PALS1: variants seen among roughly 807,000 people sequenced by gnomAD.
PALS1 encodes the protein protein associated with LIN7 1, MAGUK p55 family member, also known as protein PALS1.
Under a neutral mutation model 78.9 loss-of-function variants are expected in PALS1, and 31 were observed. The ratio of observed to expected loss-of-function variants is 0.39; its 90% CI spans 0.30 to 0.53. PALS1 has a LOEUF of 0.53. Among genes scored for constraint, PALS1 ranks in the 20% least tolerant of loss-of-function variants. The pLI, the probability that PALS1 is intolerant of heterozygous loss-of-function variation, is 0.67. For synonymous variants in PALS1, 276 were observed against 270.9 expected (o/e 1.02, Z -0.18); for missense variants, 704 against 826.5 (o/e 0.85, Z 1.82).
At chr14:67,242,341 A>T (rs181290630) in intron 1 of PALS1, among the ~76,000 whole-genome samples, 132 of 152,344 alleles carry the variant, frequency 8.7e-4, no homozygotes, top group African/African-American at 3.0e-3. Context: ...TTTTGTCTCC[A>T]TACTCGTTTA....
chr14:67,263,756 A>G (rs1016539251), intron 1 of PALS1, among the ~76,000 whole-genome samples: 2 of 152,218 alleles, frequency 1.3e-5, no homozygotes, highest in Admixed American at 6.5e-5. Context: ...GAGAAGATAT[A>G]TAGGAAACTG....
intron 3 of PALS1, among the ~76,000 whole-genome samples, chr14:67,283,468 C>T (rs1182260640): frequency 6.6e-6 from 1 of 152,134 alleles, no homozygotes; most frequent in Non-Finnish European, 1.5e-5. Context: ...CAGACAAAAT[C>T]CCAATGCCAG....
At chr14:67,315,786 A>G (rs566483153) in intron 9 of PALS1, among the ~76,000 whole-genome samples, 1 of 152,184 alleles carries the variant, frequency 6.6e-6, no homozygotes, top group African/African-American at 2.4e-5. Flanking sequence ...TTAGCTGGGC[A>G]TGGTGGCGGG....
chr14:67,268,570 T>C (rs1274934874), intron 1 of PALS1, among the ~76,000 whole-genome samples: 5 of 152,158 alleles, frequency 3.3e-5, no homozygotes, highest in Non-Finnish European at 7.3e-5. Flanking sequence ...GAACTGAGGG[T>C]TCCTCCCCTT....
intron 2 of PALS1, among the ~76,000 whole-genome samples, chr14:67,273,922 T>G (rs1188070732): frequency 1.3e-5 from 2 of 152,250 alleles, no homozygotes; most frequent in Non-Finnish European, 2.9e-5. Flanking sequence ...AATGTCTTCT[T>G]TTGAGAAGTG....
intron 1 of PALS1, among the ~76,000 whole-genome samples, chr14:67,256,501 A>G (rs1269188039): frequency 6.6e-6 from 1 of 152,222 alleles, no homozygotes; most frequent in East Asian, 1.9e-4. Context: ...TACCATTTCA[A>G]CTTGTAGTAA....
At chr14:67,257,556 C>T (rs2084163906) in intron 1 of PALS1, among the ~76,000 whole-genome samples, 1 of 151,468 alleles carries the variant, frequency 6.6e-6, no homozygotes, top group Non-Finnish European at 1.5e-5. Context: ...CTATGAGAGA[C>T]AGCTAAATAT....
intron 8 of PALS1, among the ~76,000 whole-genome samples, chr14:67,305,679 T>C (rs766707528): frequency 6.6e-5 from 10 of 152,242 alleles, no homozygotes; most frequent in Non-Finnish European, 1.2e-4. Context: ...TTAATCGAAG[T>C]GTTACATTGA....
chr14:67,312,801 T>C, intron 9 of PALS1, 91 bp downstream of exon 9: 1 of 1,013,018 alleles, frequency 9.9e-7, no homozygotes, highest in Non-Finnish European at 1.3e-6. Context: ...TTCATGCCTC[T>C]ATTTAATAAA....
At chr14:67,316,767 TAA>T in intron 9 of PALS1, 63 bp from the exon 10 acceptor site, 3 of 1,282,318 alleles carry the variant, frequency 2.3e-6, no homozygotes, top group Non-Finnish European at 2.1e-6. Flanking sequence ...CCTTCTTGAT[TAA>T]AAAAAAAATT....
chr14:67,322,689 C>A (rs897736311), intron 13 of PALS1, among the ~76,000 whole-genome samples: 7 of 152,010 alleles, frequency 4.6e-5, no homozygotes. Context: ...CTTTAGAGTT[C>A]TTTATATTAT....
At chr14:67,280,400 GAA>G (rs1006200486) in intron 3 of PALS1, among the ~76,000 whole-genome samples, 5 of 152,146 alleles carry the variant, frequency 3.3e-5, no homozygotes, top group African/African-American at 1.2e-4. Flanking sequence ...TGTAGAAGGA[GAA>G]AGTTTTTATT....
intron 13 of PALS1, among the ~76,000 whole-genome samples, chr14:67,323,232 C>CGTGCGTGTGTGT (rs1555340556): frequency 7.0e-6 from 1 of 143,592 alleles, no homozygotes; most frequent in African/African-American, 2.6e-5. Flanking sequence ...CATATATACA[C>CGTGCGTGTGTGT]GTGTGTGTGT....
chr14:67,311,617 G>A (rs1343314986), intron 8 of PALS1, among the ~76,000 whole-genome samples: 1 of 152,150 alleles, frequency 6.6e-6, no homozygotes, highest in Non-Finnish European at 1.5e-5. Flanking sequence ...CTTCTTAGAA[G>A]TAAGAATAGT....
At position 67,292,501 on chromosome 14, in the gene PALS1, C is replaced by G. The variant is rs1194075210; in HGVS notation, c.368-10C>G. On this transcript the variant is annotated splice_polypyrimidine_tract_variant and intron_variant, in intron 3 of 14. Coordinates refer to ENST00000261681, the MANE Select transcript of PALS1 (RefSeq NM_022474.4). ...AGTTAATTTTTGGATACCTTTTCTT[C>G]TTCTACTAGAAATAGAAGACTTGTT... 4.4e-6 allele frequency: 7 copies of G among 1,573,218 alleles called. No individual in the cohort carries two copies. The African/African-American group carries it at 8.1e-5, about 18-fold the overall frequency.
At chr14:67,327,000 C>T (rs918213169) in intron 14 of PALS1, among the ~76,000 whole-genome samples, 1 of 151,948 alleles carries the variant, frequency 6.6e-6, no homozygotes, top group African/African-American at 2.4e-5. Context: ...CATAGTGAAA[C>T]CCCGTCTCTA....
chr14:67,301,931 T>G, intron 5 of PALS1, 41 bp from the exon 6 acceptor site: 1 of 1,567,146 alleles, frequency 6.4e-7, no homozygotes, highest in Non-Finnish European at 8.6e-7. Context: ...CAGAAATAAA[T>G]CATGCTGTTA....
intron 8 of PALS1, among the ~76,000 whole-genome samples, chr14:67,307,522 A>C (rs1395540073): frequency 1.3e-5 from 2 of 152,246 alleles, no homozygotes; most frequent in East Asian, 3.8e-4. Flanking sequence ...GGCACTACAG[A>C]GATAACTGTG....
chr14:67,278,255 C>T (rs1430312715), intron 2 of PALS1, among the ~76,000 whole-genome samples: 9 of 151,754 alleles, frequency 5.9e-5, no homozygotes, highest in Admixed American at 2.0e-4. Flanking sequence ...GGCCAGGTCT[C>T]GAACTCCCGA....
Sources: allele counts gnomAD v4.1 joint callset (sites outside exome capture counted in the v4.1 genomes callset), GRCh38; gene constraint gnomAD v4.1.1; transcripts MANE v1.5; gene names NCBI Gene and HGNC (gene_info 2026-07-23, HGNC 2026-07-21).